Variants in DHRSX observed in about 807,000 individuals in gnomAD.
The protein encoded by DHRSX is dehydrogenase/reductase X-linked.
Under a neutral mutation model 34.0 loss-of-function variants are expected in DHRSX, and 31 were observed. The observed-to-expected ratio is 0.91, with a 90% CI of 0.69 to 1.23. DHRSX has a LOEUF of 1.23. Among genes scored for constraint, DHRSX ranks in the 50% most tolerant of loss-of-function variants. The pLI is 0.00. For missense variants in DHRSX, 414 were observed against 428.1 expected, an observed-to-expected ratio of 0.97 and a Z score of 0.29; for synonymous variants, 201 against 183.8, an observed-to-expected ratio of 1.09 and a Z score of -0.76.
At chrX:2,374,251 A>G (rs761704842) in intron 3 of DHRSX, among the ~76,000 whole-genome samples, 1 of 152,308 alleles carries the variant, frequency 6.6e-6, no homozygotes, top group East Asian at 1.9e-4. Context: ...GATTCTTGAC[A>G]GAAGAGTTGG....
chrX:2,363,263 T>C (rs111721138), intron 3 of DHRSX, among the ~76,000 whole-genome samples: 8,815 of 57,564 alleles, frequency 0.15, 1,793 homozygotes, highest in African/African-American at 0.23. Flanking sequence ...GGTATCATGC[T>C]GCCATTTTAT....
At chrX:2,418,170 C>T (rs932018630) in intron 2 of DHRSX, among the ~76,000 whole-genome samples, 17 of 152,112 alleles carry the variant, frequency 1.1e-4, no homozygotes, top group African/African-American at 3.4e-4. Flanking sequence ...CATGCTGTTA[C>T]TGAACTAGAC....
In DHRSX at chrX:2,479,537, G is replaced by A. The variant is rs777497332; in HGVS notation, c.109+21280C>T. On this transcript the variant is annotated intron_variant, in intron 1 of 6. Coordinates refer to ENST00000334651, the MANE Select transcript of DHRSX (RefSeq NM_145177.3). ...TCCGTAAGAATGCGACCAGGGGACC[G>A]CCACATGTGCACACTGAAGACATTC... Among the ~76,000 whole-genome samples the A allele has an allele frequency of 2.0e-5, 3 of 148,116 alleles. No individual in the cohort carries two copies. The East Asian group carries it at 6.2e-4, about 31-fold the overall frequency.
intron 1 of DHRSX, chrX:2,490,089 C>G: frequency 6.2e-7 from 1 of 1,613,816 alleles, no homozygotes; most frequent in Non-Finnish European, 8.5e-7. Context: ...GCCAGCGTGA[C>G]GTAGGCGCGG....
At chrX:2,333,057 C>T (rs2042501035) in intron 3 of DHRSX, among the ~76,000 whole-genome samples, 2 of 152,160 alleles carry the variant, frequency 1.3e-5, no homozygotes, top group South Asian at 4.1e-4. Flanking sequence ...GCTCGTTTTG[C>T]TATTTACCCA....
At chrX:2,343,852 G>GT (rs2042669813) in intron 3 of DHRSX, among the ~76,000 whole-genome samples, 1 of 152,192 alleles carries the variant, frequency 6.6e-6, no homozygotes, top group Non-Finnish European at 1.5e-5. Context: ...AAGTGTATTA[G>GT]TATGTATAGG....
At chrX:2,448,293 G>A (rs1361041405) in intron 1 of DHRSX, among the ~76,000 whole-genome samples, 1 of 152,066 alleles carries the variant, frequency 6.6e-6, no homozygotes, top group East Asian at 1.9e-4. Flanking sequence ...TGAACATGAC[G>A]CTGCACTCCA....
chrX:2,317,255 G>GTTTTTTTTTTTT (rs2042251340), intron 3 of DHRSX, among the ~76,000 whole-genome samples: 4 of 32,570 alleles, frequency 1.2e-4, no homozygotes, highest in Non-Finnish European at 2.7e-4. Flanking sequence ...ACCGCGCCTG[G>GTTTTTTTTTTTT]CTTTTTTTTT....
chrX:2,486,168 G>A (rs768898401), intron 1 of DHRSX, among the ~76,000 whole-genome samples: 3 of 152,118 alleles, frequency 2.0e-5, no homozygotes, highest in East Asian at 1.9e-4. Context: ...TGCTCCCGGG[G>A]AACACTTTCA....
At chrX:2,424,271 G>A (rs1269521613) in intron 2 of DHRSX, among the ~76,000 whole-genome samples, 1 of 151,852 alleles carries the variant, frequency 6.6e-6, no homozygotes, top group African/African-American at 2.4e-5. Flanking sequence ...GAAACTCAAT[G>A]TCTGTTGTAT....
At chrX:2,499,705 C>T (rs1282809862) in intron 1 of DHRSX, among the ~76,000 whole-genome samples, 1 of 151,822 alleles carries the variant, frequency 6.6e-6, no homozygotes, top group Non-Finnish European at 1.5e-5. Context: ...CCATGAGTTT[C>T]AGACCAGCCT....
At chrX:2,302,810 A>G (rs776217030) in intron 3 of DHRSX, among the ~76,000 whole-genome samples, 2 of 152,306 alleles carry the variant, frequency 1.3e-5, no homozygotes, top group East Asian at 3.9e-4. Flanking sequence ...AATGACTTAA[A>G]AAAAACACAC....
At chrX:2,301,662 G>T (rs1569485491) in intron 3 of DHRSX, among the ~76,000 whole-genome samples, 1 of 152,040 alleles carries the variant, frequency 6.6e-6, no homozygotes, top group African/African-American at 2.4e-5. Context: ...TGTTTGAGAT[G>T]GAGTTTCACC....
Position 2,451,233 on chromosome X carries a change from T to C in DHRSX, c.110-25929A>G, listed in dbSNP as rs1322869246. Reference sequence around the variant, plus strand: ...GGGCAATACAGCAAGACTCCATCTTTAAAAAAAAAAAAAAAAAAGTTGCAT... The same window carrying C: ...GGGCAATACAGCAAGACTCCATCTTCAAAAAAAAAAAAAAAAAAGTTGCAT... On this transcript the variant is annotated intron_variant, in intron 1 of 6. Transcript: ENST00000334651. Among the ~76,000 whole-genome samples the C allele has an allele frequency of 3.7e-5, 5 of 135,648 alleles. No homozygotes were observed. The Admixed American group carries it at 3.7e-4, about 10-fold the overall frequency. The allele number at this position is 135,648 out of a possible 152,430, so 89.0% of individuals were successfully genotyped here.
chrX:2,464,257 C>A lies in DHRSX; in HGVS notation c.109+36560G>T, dbSNP rs138783343. Among the ~76,000 whole-genome samples, 239 of 150,696 alleles carry A rather than the reference C, an allele frequency of 1.6e-3. 3 individuals carry two copies. The highest frequency in any genetic ancestry group is 5.4e-3 in the African/African-American group (218 of 40,708). On this transcript the variant is annotated intron_variant, in intron 1 of 6. Transcript: ENST00000334651. ...AAGCACGTGGCCCAAGGGACCATTG[C>A]CCTTTGCACATTGAAGACGATCCCT...
At chrX:2,458,875 T>G (rs144608368) in intron 1 of DHRSX, among the ~76,000 whole-genome samples, 3,934 of 151,358 alleles carry the variant, frequency 0.026, 80 homozygotes, top group Admixed American at 0.05. Flanking sequence ...TATGGTGGCA[T>G]GCACCTGCAG....
At chrX:2,379,577 T>C (rs938985352) in intron 3 of DHRSX, among the ~76,000 whole-genome samples, 1 of 146,442 alleles carries the variant, frequency 6.8e-6, no homozygotes, top group Non-Finnish European at 1.5e-5. Context: ...ATGAGCGACC[T>C]GTGGGCTGGC....
intron 4 of DHRSX, among the ~76,000 whole-genome samples, chrX:2,269,907 T>C (rs1326353913): frequency 6.6e-6 from 1 of 152,180 alleles, no homozygotes; most frequent in Non-Finnish European, 1.5e-5. Context: ...TATTTGTGTA[T>C]GTATATGTAC....
chrX:2,227,091 T>C (rs1390916894), intron 6 of DHRSX, among the ~76,000 whole-genome samples: 1 of 151,966 alleles, frequency 6.6e-6, no homozygotes, highest in Admixed American at 6.6e-5. Context: ...TGGAGCACCC[T>C]GCACCTGCAC....
Sources: allele counts gnomAD v4.1 joint callset (sites outside exome capture counted in the v4.1 genomes callset), GRCh38; gene constraint gnomAD v4.1.1; transcripts MANE v1.5; gene names NCBI Gene and HGNC (gene_info 2026-07-23, HGNC 2026-07-21).